The following CDIN1 variants were observed in gnomAD, a reference collection of about 807,000 sequenced individuals.
CDIN1 encodes CDAN1-interacting nuclease 1.
Under a neutral mutation model 45.3 loss-of-function variants are expected in CDIN1, and 33 were observed. The ratio of observed to expected loss-of-function variants is 0.73; its 90% CI spans 0.55 to 0.97. The LOEUF is 0.97. Ranked by LOEUF, CDIN1 falls within the 50% of genes least tolerant of loss-of-function variation. CDIN1 has a pLI of 0.00. For synonymous variants in CDIN1, 118 were observed against 124.4 expected, an observed-to-expected ratio of 0.95 and a Z score of 0.34; for missense variants, 303 against 339.4, an observed-to-expected ratio of 0.89 and a Z score of 0.84.
chr15:36,788,193 C>T (rs573690289), intron 10 of CDIN1, among the ~76,000 whole-genome samples: 309 of 144,892 alleles, frequency 2.1e-3, no homozygotes, highest in African/African-American at 7.3e-3. Context: ...CTCGGCTTAC[C>T]GCAACCTCTG....
At chr15:36,587,887 G>A (rs1014438487) in intron 1 of CDIN1, among the ~76,000 whole-genome samples, 2 of 152,150 alleles carry the variant, frequency 1.3e-5, no homozygotes, top group Admixed American at 6.5e-5. Context: ...TCGCTCTGTT[G>A]TCTCTTCTTG....
chr15:36,654,040 C>A, intron 3 of CDIN1, 58 bp from the exon 4 acceptor site: 2 of 1,312,578 alleles, frequency 1.5e-6, no homozygotes, highest in Non-Finnish European at 2.2e-6. Context: ...GGGATGCTGA[C>A]AAGTCTATGC....
intron 5 of CDIN1, among the ~76,000 whole-genome samples, chr15:36,671,725 G>A (rs1369178864): frequency 6.6e-6 from 1 of 152,044 alleles, no homozygotes. Flanking sequence ...GTCAGGCACC[G>A]ATTTTGAAAG....
intron 10 of CDIN1, among the ~76,000 whole-genome samples, chr15:36,711,929 CAGA>C (rs1346009411): frequency 6.6e-6 from 1 of 152,144 alleles, no homozygotes; most frequent in Admixed American, 6.6e-5. Context: ...AGTATTTTGA[CAGA>C]AGGAGAACTT....
chr15:36,706,507 A>AAAGGCTG (rs11282116), intron 8 of CDIN1: 24,527 of 151,768 alleles, frequency 0.16, 2,079 homozygotes, highest in East Asian at 0.25. Flanking sequence ...CAGCTACTTG[A>AAAGGCTG]AAGGCTGAGG....
chr15:36,725,691 A>G (rs529928906), intron 10 of CDIN1, among the ~76,000 whole-genome samples: 1 of 152,326 alleles, frequency 6.6e-6, no homozygotes, highest in Non-Finnish European at 1.5e-5. Flanking sequence ...TGCCATTTAT[A>G]AATTGATGTT....
At chr15:36,722,985 G>GTGTGTGTGTTTT (rs111713255) in intron 10 of CDIN1, among the ~76,000 whole-genome samples, 2 of 119,074 alleles carry the variant, frequency 1.7e-5, no homozygotes, top group African/African-American at 5.6e-5. Flanking sequence ...GTGTGTGTGT[G>GTGTGTGTGTTTT]TTTCTCTCTC....
At chr15:36,678,333 T>C (rs2041723515) in intron 5 of CDIN1, among the ~76,000 whole-genome samples, 1 of 152,154 alleles carries the variant, frequency 6.6e-6, no homozygotes, top group Admixed American at 6.5e-5. Flanking sequence ...AGCTTGGGAC[T>C]TTAGTGACCA....
At chr15:36,608,651 T>C (rs1292836335) in intron 1 of CDIN1, among the ~76,000 whole-genome samples, 1 of 152,148 alleles carries the variant, frequency 6.6e-6, no homozygotes, top group East Asian at 1.9e-4. Context: ...TGAGTTATTC[T>C]TTTTTAAGGA....
chr15:36,723,226 A>ACCACCTC (rs3045911), intron 10 of CDIN1, among the ~76,000 whole-genome samples: 114,626 of 151,240 alleles, frequency 0.76, 43,878 homozygotes, highest in East Asian at 0.96. Flanking sequence ...AACCATTACC[A>ACCACCTC]CCATTTTAAA....
intron 1 of CDIN1, among the ~76,000 whole-genome samples, chr15:36,620,849 TTCC>T (rs1213644723): frequency 6.6e-6 from 1 of 152,134 alleles, no homozygotes; most frequent in Non-Finnish European, 1.5e-5. Flanking sequence ...TCACCTTCCT[TTCC>T]TCCTCTTCTT....
At chr15:36,714,532 ATATAT>A (rs1451272818) in intron 10 of CDIN1, among the ~76,000 whole-genome samples, 1 of 152,196 alleles carries the variant, frequency 6.6e-6, no homozygotes, top group African/African-American at 2.4e-5. Flanking sequence ...CTTAAATAAA[ATATAT>A]TCTATTCTAC....
intron 5 of CDIN1, among the ~76,000 whole-genome samples, chr15:36,675,370 A>G (rs1473233122): frequency 6.6e-6 from 1 of 152,114 alleles, no homozygotes. Context: ...AGGGTACAAA[A>G]TGCAAATCAT....
intron 10 of CDIN1, among the ~76,000 whole-genome samples, chr15:36,738,855 T>G (rs974936910): frequency 6.6e-6 from 1 of 152,240 alleles, no homozygotes; most frequent in East Asian, 1.9e-4. Flanking sequence ...CTGTTTTGTT[T>G]ACCCCTGTAT....
intron 10 of CDIN1, among the ~76,000 whole-genome samples, chr15:36,774,951 T>G (rs2054182213): frequency 6.6e-6 from 1 of 152,216 alleles, no homozygotes; most frequent in Non-Finnish European, 1.5e-5. Context: ...GGAATATTAT[T>G]GATGACATAA....
chr15:36,787,204 G>A (rs1411983361), intron 10 of CDIN1, among the ~76,000 whole-genome samples: 1 of 152,084 alleles, frequency 6.6e-6, no homozygotes, highest in Non-Finnish European at 1.5e-5. Context: ...GAAGTACCAG[G>A]CATGGATGCC....
At chr15:36,738,733 C>CT (rs781268161) in intron 10 of CDIN1, among the ~76,000 whole-genome samples, 5 of 152,138 alleles carry the variant, frequency 3.3e-5, no homozygotes, top group East Asian at 3.8e-4. Context: ...CTACAGCTTT[C>CT]TTTTTTGTTC....
At chr15:36,758,736 T>C (rs1244361806) in intron 10 of CDIN1, among the ~76,000 whole-genome samples, 1 of 152,208 alleles carries the variant, frequency 6.6e-6, no homozygotes, top group African/African-American at 2.4e-5. Context: ...AGAAAGTGTG[T>C]ATTCAGTACA....
At chr15:36,599,159 A>C (rs2037983180) in intron 1 of CDIN1, among the ~76,000 whole-genome samples, 1 of 151,754 alleles carries the variant, frequency 6.6e-6, no homozygotes, top group Non-Finnish European at 1.5e-5. Flanking sequence ...AGTACCCTGC[A>C]AAGGACTTAC....
Sources: allele counts gnomAD v4.1 joint callset (sites outside exome capture counted in the v4.1 genomes callset), GRCh38; gene constraint gnomAD v4.1.1; transcripts MANE v1.5; gene names NCBI Gene and HGNC (gene_info 2026-07-23, HGNC 2026-07-21).